Variants in PTK2 observed in about 807,000 individuals in gnomAD.
The protein encoded by PTK2 is protein tyrosine kinase 2.
In PTK2, 45 loss-of-function variants were observed where a neutral mutation model predicts 150.1. The ratio of observed to expected loss-of-function variants is 0.30; its 90% CI spans 0.24 to 0.38. The LOEUF (loss-of-function observed/expected upper bound fraction) is 0.38. PTK2 is among the 10% of genes least tolerant of loss of function. The pLI is 1.00. For missense variants in PTK2, 919 were observed against 1,307.3 expected, an observed-to-expected ratio of 0.70 and a Z score of 4.58; for synonymous variants, 432 against 449.2, an observed-to-expected ratio of 0.96 and a Z score of 0.48.
chr8:140,702,935 T>C (rs1380751157), intron 24 of PTK2, among the ~76,000 whole-genome samples: 1 of 152,156 alleles, frequency 6.6e-6, no homozygotes, highest in African/African-American at 2.4e-5. Context: ...TGGGAGGGTA[T>C]CTGGGATATC....
chr8:140,893,712 A>G (rs977444649), intron 2 of PTK2, among the ~76,000 whole-genome samples: 5 of 152,212 alleles, frequency 3.3e-5, no homozygotes, highest in African/African-American at 1.2e-4. Flanking sequence ...GATCATGGTG[A>G]TGGTTGAATA....
chr8:140,712,615 CAT>C (rs1260483223), intron 23 of PTK2, among the ~76,000 whole-genome samples: 6 of 152,276 alleles, frequency 3.9e-5, no homozygotes, highest in Non-Finnish European at 4.4e-5. Context: ...AACTTCTACT[CAT>C]GTGTGATTTT....
At chr8:140,705,990 T>C (rs2100033519) in intron 24 of PTK2, 129 bp downstream of exon 27, 2 of 679,436 alleles carry the variant, frequency 2.9e-6, no homozygotes, top group African/African-American at 1.8e-5. Flanking sequence ...GGGTAACCAC[T>C]TTCTCAGCTT....
intron 1 of PTK2, among the ~76,000 whole-genome samples, chr8:140,992,552 T>C (rs557043801): frequency 2.6e-5 from 4 of 152,166 alleles, no homozygotes; most frequent in Non-Finnish European, 5.9e-5. Context: ...CCTCAGCACT[T>C]GCATTTCTAG....
At position 140,748,367 on chromosome 8, in the gene PTK2, C is replaced by T. The variant is rs71514690; in HGVS notation, c.1418-1507G>A. On this transcript the variant is annotated intron_variant, in intron 17 of 31. Coordinates refer to ENST00000522684, the Ensembl canonical transcript of PTK2. Reference sequence around the variant, plus strand: ...AATTAGCTGGGCGTGGTGGTGTGTGCCTGTAGTCCCAGCTACTCAGGAGGC... The same window carrying T: ...AATTAGCTGGGCGTGGTGGTGTGTGTCTGTAGTCCCAGCTACTCAGGAGGC... 5.6e-4 allele frequency among the ~76,000 whole-genome samples: 85 copies of T among 152,020 alleles called. 1 individual carries two copies. The highest frequency in any genetic ancestry group is 1.1e-3 in the Non-Finnish European group (75 of 67,998).
At chr8:140,850,708 C>T (rs1005121677) in intron 5 of PTK2, among the ~76,000 whole-genome samples, 6 of 151,658 alleles carry the variant, frequency 4.0e-5, no homozygotes, top group South Asian at 2.1e-4. Context: ...CCAGCCTGGG[C>T]GACAGAGCGA....
At chr8:140,709,887 G>T (rs1449036369) in intron 23 of PTK2, among the ~76,000 whole-genome samples, 1 of 152,134 alleles carries the variant, frequency 6.6e-6, no homozygotes, top group African/African-American at 2.4e-5. Context: ...TCCTTCAGAA[G>T]CATTTAGGGT....
At chr8:140,741,452 C>T (rs1379042331) in intron 20 of PTK2, among the ~76,000 whole-genome samples, 2 of 146,478 alleles carry the variant, frequency 1.4e-5, no homozygotes, top group African/African-American at 2.5e-5. Flanking sequence ...GAGACTCTGT[C>T]TCAAAAAAAA....
chr8:140,803,290 G>A lies in PTK2; in HGVS notation c.975+253C>T, dbSNP rs899301676. Among the ~76,000 whole-genome samples, 4 of 151,980 alleles carry A rather than the reference G, an allele frequency of 2.6e-5. No homozygotes were observed. The East Asian group carries it at 5.8e-4, about 22-fold the overall frequency. ...TGGGATTACAGGTGTGGGCCACCGC[G>A]CCTGGCCTGATGATAATCTTTAATC... On this transcript the variant is annotated intron_variant, in intron 11 of 31. Transcript: ENST00000522684.
intron 23 of PTK2, among the ~76,000 whole-genome samples, chr8:140,713,170 G>A (rs1043567245): frequency 2.0e-5 from 3 of 152,214 alleles, no homozygotes; most frequent in Non-Finnish European, 4.4e-5. Flanking sequence ...GAGCACAGGG[G>A]TGAAGAACAC....
At chr8:140,840,086 T>G (rs2100121392) in intron 7 of PTK2, among the ~76,000 whole-genome samples, 1 of 152,176 alleles carries the variant, frequency 6.6e-6, no homozygotes, top group Non-Finnish European at 1.5e-5. Flanking sequence ...TTAAGCAAGG[T>G]CTTCCTCTGT....
chr8:140,873,116 T>C (rs1040431435), intron 4 of PTK2, among the ~76,000 whole-genome samples: 7 of 152,234 alleles, frequency 4.6e-5, no homozygotes, highest in African/African-American at 1.7e-4. Context: ...CTAGAGTCTC[T>C]GAAAGAGAGA....
rs1466178559 is a variant in PTK2, at chr8:140,978,124, A to G, written c.-122+23001T>C. On this transcript the variant is annotated intron_variant, in intron 1 of 31. Transcript: ENST00000522684. ...AAAATTAACTCAACATGGATTAAAGACTTAAATGTTAGACCTAAAACCATA... is the reference window on the plus strand; with the variant it reads ...AAAATTAACTCAACATGGATTAAAGGCTTAAATGTTAGACCTAAAACCATA... Among the ~76,000 whole-genome samples the G allele has an allele frequency of 2.0e-5, 3 of 152,240 alleles. No individual in the cohort carries two copies. The East Asian group carries it at 5.8e-4, about 29-fold the overall frequency.
At chr8:140,823,982 C>G (rs1203477910) in intron 8 of PTK2, among the ~76,000 whole-genome samples, 1 of 152,172 alleles carries the variant, frequency 6.6e-6, no homozygotes, top group East Asian at 1.9e-4. Context: ...CTCTTGGCCT[C>G]TTATTTCTCA....
intron 16 of PTK2, among the ~76,000 whole-genome samples, chr8:140,759,360 C>G (rs2100067862): frequency 6.6e-6 from 1 of 151,240 alleles, no homozygotes; most frequent in Non-Finnish European, 1.5e-5. Context: ...ATCATGGGAC[C>G]CTGTCTCTAA....
chr8:140,742,254 A>ATC (rs1251529581), intron 20 of PTK2, among the ~76,000 whole-genome samples: 1 of 152,240 alleles, frequency 6.6e-6, no homozygotes, highest in East Asian at 1.9e-4. Context: ...AACCAGCCGC[A>ATC]TCTGGTGTAA....
At chr8:140,743,352 C>T in intron 19 of PTK2, 22 bp from the exon 23 acceptor site, 1 of 1,581,678 alleles carries the variant, frequency 6.3e-7, no homozygotes, top group Non-Finnish European at 8.7e-7. Flanking sequence ...GAATTTGAGA[C>T]AATAAGACTT....
At chr8:140,771,342 T>C (rs909951221) in intron 14 of PTK2, 5 of 152,288 alleles carry the variant, frequency 3.3e-5, no homozygotes, top group African/African-American at 9.6e-5. Context: ...TCTACTAGCA[T>C]TACGGATTCA....
rs928489346 is a variant in PTK2 at position 140,809,109 on chromosome 8, T to C, written c.868-5459A>G. On this transcript the variant is annotated intron_variant, in intron 10 of 31. Transcript: ENST00000522684. The stretch of plus-strand genomic sequence containing the variant: ...CACATACCTAGAAAGGTAAGACATA[T>C]TAAAAGTTGTGCAAGAAGAAAATGG... Among the ~76,000 whole-genome samples the C allele has an allele frequency of 2.0e-5, 3 of 151,956 alleles. No homozygotes were observed. The South Asian group carries it at 6.2e-4, about 31-fold the overall frequency.
Sources: allele counts gnomAD v4.1 joint callset (sites outside exome capture counted in the v4.1 genomes callset), GRCh38; gene constraint gnomAD v4.1.1; transcripts MANE v1.5; gene names NCBI Gene and HGNC (gene_info 2026-07-23, HGNC 2026-07-21).